CNOT6L: variants seen among roughly 807,000 people sequenced by gnomAD.
CNOT6L encodes CCR4-NOT transcription complex subunit 6 like.
CNOT6L carries 7 observed loss-of-function variants against 64.0 expected under a neutral mutation model. That is an observed-to-expected ratio of 0.11 (90% CI 0.06 to 0.21). The LOEUF is 0.21. CNOT6L is among the 10% of genes least tolerant of loss of function. The pLI, the probability that CNOT6L is intolerant of heterozygous loss-of-function variation, is 1.00. For missense variants in CNOT6L, 245 were observed against 669.0 expected, an observed-to-expected ratio of 0.37 and a Z score of 6.99; for synonymous variants, 193 against 243.4, an observed-to-expected ratio of 0.79 and a Z score of 1.93.
chr4:77,809,182 G>C (rs1732621212), intron 1 of CNOT6L, among the ~76,000 whole-genome samples: 1 of 152,058 alleles, frequency 6.6e-6, no homozygotes, highest in Non-Finnish European at 1.5e-5. Flanking sequence ...AGGACCCAAG[G>C]CTCACTTTCT....
chr4:77,780,594 C>CTT (rs1408385583), intron 1 of CNOT6L, among the ~76,000 whole-genome samples: 1 of 152,168 alleles, frequency 6.6e-6, no homozygotes, highest in Non-Finnish European at 1.5e-5. Context: ...CTCAGAGACT[C>CTT]TGAGTAAAAT....
At chr4:77,802,840 C>T (rs925745187) in intron 1 of CNOT6L, among the ~76,000 whole-genome samples, 11 of 152,180 alleles carry the variant, frequency 7.2e-5, no homozygotes, top group African/African-American at 2.7e-4. Context: ...TTAAGACCAA[C>T]TACAAAAACC....
In CNOT6L at chr4:77,737,863, T is replaced by C. The variant is rs572797308; in HGVS notation, c.872+4278A>G. On this transcript the variant is annotated intron_variant, in intron 8 of 11. Coordinates refer to ENST00000504123, the MANE Select transcript of CNOT6L (RefSeq NM_144571.3). The stretch of plus-strand genomic sequence containing the variant: ...TCGTAATGTTATGATCCAGGTTGAA[T>C]AGAAATTACCAGAAGAGTACAGATC... 8.5e-5 allele frequency among the ~76,000 whole-genome samples: 13 copies of C among 152,230 alleles called. No individual in the cohort carries two copies. The South Asian group carries it at 2.3e-3, about 27-fold the overall frequency.
At chr4:77,766,366 T>C (rs1726819007) in intron 4 of CNOT6L, among the ~76,000 whole-genome samples, 1 of 152,096 alleles carries the variant, frequency 6.6e-6, no homozygotes. Flanking sequence ...TCTAAAAAAC[T>C]TTTTTAACAA....
At position 77,716,255 on chromosome 4, in the gene CNOT6L, T is replaced by C. The variant is rs1433198298; in HGVS notation, c.*4176A>G. ...TCTTTGCTTGCTATAAAAACCATTA[T>C]TTTCCAAAAACTGGTCAGCATATTT... On this transcript the variant is annotated 3_prime_UTR_variant, in exon 12 of 12. Coordinates refer to ENST00000504123, the MANE Select transcript of CNOT6L (RefSeq NM_144571.3). The C allele has an allele frequency of 6.6e-6, 1 of 152,084 alleles. No individual in the cohort carries two copies. Among genetic ancestry groups the C allele is most frequent in the East Asian group, 1.9e-4 (1 of 5,192 alleles). 9.4% of individuals were successfully genotyped at this position (152,084 alleles called of 1,614,324 possible).
intron 1 of CNOT6L, among the ~76,000 whole-genome samples, chr4:77,799,704 C>CAAAAAAAAAAAAA (rs71214370): frequency 1.1e-5 from 1 of 90,934 alleles, no homozygotes; most frequent in Non-Finnish European, 2.1e-5. Context: ...AACTCCATCT[C>CAAAAAAAAAAAAA]AAAAAAAAAA....
At chr4:77,788,119 C>T (rs1577985839) in intron 1 of CNOT6L, among the ~76,000 whole-genome samples, 1 of 152,182 alleles carries the variant, frequency 6.6e-6, no homozygotes, top group East Asian at 1.9e-4. Flanking sequence ...TAAAATAGCT[C>T]GATCACATTC....
chr4:77,792,483 T>C (rs1222367632), intron 1 of CNOT6L, among the ~76,000 whole-genome samples: 2 of 152,116 alleles, frequency 1.3e-5, no homozygotes, highest in Non-Finnish European at 2.9e-5. Context: ...CCCAGTACTT[T>C]GGGAGGCTGA....
chr4:77,805,735 C>A (rs1424324126), intron 1 of CNOT6L, among the ~76,000 whole-genome samples: 1 of 152,090 alleles, frequency 6.6e-6, no homozygotes, highest in Non-Finnish European at 1.5e-5. Flanking sequence ...TACTTTATTT[C>A]ACTCATTTAA....
chr4:77,810,406 G>A (rs1461389227), intron 1 of CNOT6L, among the ~76,000 whole-genome samples: 4 of 152,046 alleles, frequency 2.6e-5, no homozygotes, highest in Non-Finnish European at 5.9e-5. Context: ...AAATGTTTAG[G>A]GTGGGAGAAT....
intron 2 of CNOT6L, 75 bp from the exon 3 acceptor site, chr4:77,774,791 G>C: frequency 1.1e-6 from 1 of 940,766 alleles, no homozygotes; most frequent in South Asian, 2.3e-5. Context: ...CGACTGAAAA[G>C]TGGTAAGAGA....
At chr4:77,721,080 C>T (rs1192310343) in intron 11 of CNOT6L, among the ~76,000 whole-genome samples, 1 of 152,078 alleles carries the variant, frequency 6.6e-6, no homozygotes, top group African/African-American at 2.4e-5. Context: ...ATCAAGATAT[C>T]CAAACACACC....
intron 1 of CNOT6L, among the ~76,000 whole-genome samples, chr4:77,794,579 C>A (rs1172073990): frequency 6.6e-6 from 1 of 152,062 alleles, no homozygotes; most frequent in Non-Finnish European, 1.5e-5. Flanking sequence ...AATGGCCATT[C>A]CTATTTAAAA....
intron 4 of CNOT6L, among the ~76,000 whole-genome samples, chr4:77,767,947 T>C (rs1400888374): frequency 8.8e-5 from 11 of 124,548 alleles, no homozygotes; most frequent in African/African-American, 3.6e-4. Context: ...ACCATTGTAC[T>C]CCAGCATGGG....
chr4:77,746,049 C>A (rs1024567960), intron 6 of CNOT6L, among the ~76,000 whole-genome samples: 56 of 152,210 alleles, frequency 3.7e-4, no homozygotes, highest in Non-Finnish European at 7.2e-4. Flanking sequence ...CAAGCCACTA[C>A]ACTGTGAAGT....
At chr4:77,755,751 G>A (rs975319849) in intron 5 of CNOT6L, among the ~76,000 whole-genome samples, 3 of 151,948 alleles carry the variant, frequency 2.0e-5, no homozygotes, top group African/African-American at 7.2e-5. Flanking sequence ...GGCGTCTTAC[G>A]ATAAAGAGAA....
rs753178448 is a variant in CNOT6L, at chr4:77,717,894, TA to T, written c.*2536del. On this transcript the variant is annotated 3_prime_UTR_variant, in exon 12 of 12. Coordinates refer to ENST00000504123, the MANE Select transcript of CNOT6L (RefSeq NM_144571.3). ...CAACAGAGCTACTACCAACATTTACTAAAACCACATTAAAAATACACAGGAT... is the reference window on the plus strand; with the variant it reads ...CAACAGAGCTACTACCAACATTTACTAAACCACATTAAAAATACACAGGAT... The T allele has an allele frequency of 3.9e-5, 6 of 152,494 alleles. No homozygotes were observed. The highest frequency in any genetic ancestry group is 6.6e-5 in the Admixed American group (1 of 15,242). The allele number at this position is 152,494 out of a possible 1,614,324, so 9.4% of individuals were successfully genotyped here. A position where few individuals can be genotyped will look rare whatever the true frequency, so the allele number is the denominator to read the frequency against.
intron 1 of CNOT6L, among the ~76,000 whole-genome samples, chr4:77,814,172 C>T (rs1287744702): frequency 6.6e-6 from 1 of 151,926 alleles, no homozygotes; most frequent in Non-Finnish European, 1.5e-5. Flanking sequence ...CCAAAATTGG[C>T]CAAATCTATA....
intron 4 of CNOT6L, among the ~76,000 whole-genome samples, chr4:77,770,814 G>A (rs1413329772): frequency 3.3e-5 from 5 of 152,136 alleles, no homozygotes; most frequent in Non-Finnish European, 7.4e-5. Context: ...AAAGACAATC[G>A]TTTGGAAAAC....
Sources: gnomAD v4.1 joint callset for allele counts (sites outside exome capture counted in the v4.1 genomes callset) on GRCh38, gnomAD v4.1.1 for gene constraint, MANE v1.5 for transcripts, NCBI Gene and HGNC (gene_info 2026-07-23, HGNC 2026-07-21) for gene names.